Variants in LAMA3 observed in about 807,000 individuals in gnomAD.
LAMA3 encodes laminin subunit alpha 3, also known as laminin subunit alpha-3.
In LAMA3, 281 loss-of-function variants were observed where a neutral mutation model predicts 402.0. That is an observed-to-expected ratio of 0.70 (90% CI 0.63 to 0.77). The LOEUF is 0.77. Ranked by LOEUF, LAMA3 falls within the 30% of genes least tolerant of loss-of-function variation. The probability of loss-of-function intolerance (pLI) is 0.00; values close to 1 mark genes in which losing one functional copy is unlikely to be tolerated. For synonymous variants in LAMA3, 1,431 were observed against 1,558.4 expected (o/e 0.92, Z 1.93); for missense variants, 3,840 against 4,215.5 (o/e 0.91, Z 2.47).
intron 19 of LAMA3, 134 bp downstream of exon 19, chr18:23,820,131 T>G (rs1598857235): frequency 1.1e-6 from 1 of 921,592 alleles, no homozygotes; most frequent in East Asian, 2.6e-5. Flanking sequence ...TATTATGGGT[T>G]GGCATTGGAG....
intron 60 of LAMA3, among the ~76,000 whole-genome samples, chr18:23,920,361 A>G (rs1344556271): frequency 6.6e-6 from 1 of 152,176 alleles, no homozygotes; most frequent in Non-Finnish European, 1.5e-5. Flanking sequence ...GGGGAGAACA[A>G]TTTGGGGCCC....
In LAMA3 at chr18:23,946,202, G is replaced by T. The variant is rs774817207; in HGVS notation, c.9269G>T (p.Arg3090Leu). The T allele has an allele frequency of 1.9e-5, 30 of 1,613,936 alleles. No homozygotes were observed. In the Admixed American group the frequency reaches 3.3e-4, roughly 18 times the overall value. The change falls in exon 70 of 75, where the codon CGG becomes CTG. Residue 3090 changes from arginine to leucine, a missense_variant. Physicochemically the swap from Arg to Leu is moderately radical, Grantham distance 102. This residue lies in a region of LAMA3 where 840 missense variants were observed against 981.9 expected (regional missense o/e 0.86). Transcript: ENST00000313654. ...GRLVVDGLRA[R>L]EGSLPGNSTI... ...TTGGTTGTGGATGGACTGAGGGCCC[G>T]GGAGGGAAGTTTGCCTGGAAACTCC...
chr18:23,898,892 A>T, intron 45 of LAMA3, 44 bp downstream of exon 45: 4 of 1,580,184 alleles, frequency 2.5e-6, no homozygotes, highest in African/African-American at 1.3e-5. Context: ...TTTTGCTTTC[A>T]AAGTATTTTT....
chr18:23,759,204 G>A (rs1279467389), intron 7 of LAMA3, among the ~76,000 whole-genome samples: 1 of 151,888 alleles, frequency 6.6e-6, no homozygotes, highest in Non-Finnish European at 1.5e-5. Flanking sequence ...AGAGGTGGTG[G>A]TGCAGGCCTG....
chr18:23,769,910 G>A (rs2062158606), intron 8 of LAMA3, among the ~76,000 whole-genome samples: 2 of 152,022 alleles, frequency 1.3e-5, no homozygotes, highest in South Asian at 4.1e-4. Context: ...TAAATGAATG[G>A]GAAAAAATAT....
chr18:23,894,967 G>A lies in LAMA3; in HGVS notation c.5522G>A (p.Arg1841His), dbSNP rs144475991. ...CTGGCCACCATGGGCGAGCAGCTCC[G>A]CCTGGTCAAGTCTCAGCTGCAGGGC... ...NDLATMGEQL[R>H]LVKSQLQGLS... The change falls in exon 44 of 75, where the codon CGC becomes CAC. Residue 1841 changes from arginine (R) to histidine (H), a missense_variant. This residue lies in a region of LAMA3 where 891 missense variants were observed against 857.5 expected (regional missense o/e 1.04). Transcript: ENST00000313654. 233 of 1,614,076 alleles carry A rather than the reference G, an allele frequency of 1.4e-4. No homozygotes were observed. The African/African-American group carries it at 2.7e-3, about 19-fold the overall frequency.
At position 23,858,673 on chromosome 18, in the gene LAMA3, T is replaced by C. The variant is rs199539712; in HGVS notation, c.4282-16T>C. 1.2e-6 allele frequency: 2 copies of C among 1,614,164 alleles called. No individual in the cohort carries two copies. Among genetic ancestry groups the C allele is most frequent in the African/African-American group, 1.3e-5 (1 of 75,046 alleles). On this transcript the variant is annotated splice_polypyrimidine_tract_variant and intron_variant, in intron 33 of 74. Coordinates refer to ENST00000313654, the MANE Select transcript of LAMA3 (RefSeq NM_198129.4). ...TTGGAACACGTGATCTCTTATTTCA[T>C]GTTTTGCTTCAATAGGAAAATGTAG...
At chr18:23,745,350 T>C (rs1380694079) in intron 2 of LAMA3, among the ~76,000 whole-genome samples, 6 of 152,192 alleles carry the variant, frequency 3.9e-5, no homozygotes, top group African/African-American at 1.4e-4. Context: ...TCATATAGCT[T>C]TGTAGTAGCA....
intron 32 of LAMA3, among the ~76,000 whole-genome samples, chr18:23,854,723 G>A (rs959005250): frequency 1.4e-4 from 21 of 151,550 alleles, no homozygotes; most frequent in African/African-American, 4.1e-4. Flanking sequence ...GGTGGCTTAC[G>A]CCTGTAATCC....
rs750961222 is a variant in LAMA3, at chr18:23,950,136, T to G, written c.9619T>G (p.Cys3207Gly). 6.2e-7 allele frequency: 1 copy of G among 1,614,000 alleles called. No homozygotes were observed. Among genetic ancestry groups the G allele is most frequent in the African/African-American group, 1.3e-5 (1 of 74,898 alleles). Residue 3207 changes from cysteine (C) to glycine (G), a missense_variant, in exon 72 of 75, where the codon TGT (cysteine) becomes GGT (glycine). Physicochemically the swap from Cys to Gly is radical, Grantham distance 159. Coordinates refer to ENST00000313654, the MANE Select transcript of LAMA3 (RefSeq NM_198129.4). ...HIGSQPGKHL[C>G]VYLEAGKVTA... ...CGGAAGTCAGCCCGGGAAGCACTTA[T>G]GTGTTTACCTGGAGGCAGGAAAGGT...
At chr18:23,788,907 A>T (rs1044790876) in intron 12 of LAMA3, among the ~76,000 whole-genome samples, 2 of 151,448 alleles carry the variant, frequency 1.3e-5, no homozygotes, top group African/African-American at 4.8e-5. Flanking sequence ...CATATATATA[A>T]TATATAAAAT....
At chr18:23,880,958 A>G (rs971196845) in intron 39 of LAMA3, among the ~76,000 whole-genome samples, 3 of 152,244 alleles carry the variant, frequency 2.0e-5, no homozygotes, top group Admixed American at 6.5e-5. Context: ...CTCTGCATAC[A>G]GAAGTAAAAT....
At chr18:23,878,937 C>G (rs2064811070) in intron 39 of LAMA3, among the ~76,000 whole-genome samples, 1 of 151,534 alleles carries the variant, frequency 6.6e-6, no homozygotes, top group South Asian at 2.1e-4. Flanking sequence ...ACCCCCATCT[C>G]TCCCTCTTCT....
chr18:23,802,308 A>G lies in LAMA3; in HGVS notation c.1604-8058A>G, dbSNP rs192165563. On this transcript the variant is annotated intron_variant, in intron 12 of 74. Transcript: ENST00000313654. ...ACTACCTTCTTCTGCCACCCATTCC[A>G]TATTCCCTTTGCCCTCAGCAAGCAC... 4.1e-3 allele frequency among the ~76,000 whole-genome samples: 631 copies of G among 152,326 alleles called. 8 individuals carry two copies. The highest frequency in any genetic ancestry group is 7.3e-3 in the Non-Finnish European group (499 of 68,014).
intron 40 of LAMA3, among the ~76,000 whole-genome samples, chr18:23,882,733 C>T (rs2064942251): frequency 6.6e-6 from 1 of 152,142 alleles, no homozygotes; most frequent in African/African-American, 2.4e-5. Flanking sequence ...TTCGAGCACC[C>T]ATGACAGGGC....
At chr18:23,909,376 T>A in intron 55 of LAMA3, 81 bp downstream of exon 55, 1 of 1,299,664 alleles carries the variant, frequency 7.7e-7, no homozygotes, top group Non-Finnish European at 1.1e-6. Context: ...AAAAAAACAC[T>A]TATTTACTCA....
chr18:23,881,528 G>A (rs1430023593), intron 39 of LAMA3, among the ~76,000 whole-genome samples: 4 of 152,138 alleles, frequency 2.6e-5, no homozygotes, highest in African/African-American at 9.7e-5. Context: ...CCTCCCAACA[G>A]GCTTAGAAAG....
chr18:23,709,524 T>A (rs1337611691), intron 1 of LAMA3, among the ~76,000 whole-genome samples: 1 of 152,212 alleles, frequency 6.6e-6, no homozygotes, highest in Admixed American at 6.5e-5. Context: ...TACTTTCAAT[T>A]CTTGTGGAAA....
At chr18:23,816,521 G>T in intron 18 of LAMA3, 34 bp downstream of exon 18, 1 of 1,548,978 alleles carries the variant, frequency 6.5e-7, no homozygotes, top group Admixed American at 1.7e-5. Flanking sequence ...CCATGTTCAG[G>T]GTGTGAAAGA....
Sources: gnomAD v4.1 joint callset for allele counts (sites outside exome capture counted in the v4.1 genomes callset) on GRCh38, gnomAD v4.1.1 for gene constraint, gnomAD v4.1.1 regional missense constraint, MANE v1.5 for transcripts, NCBI Gene and HGNC (gene_info 2026-07-23, HGNC 2026-07-21) for gene names.